The following CLASP2 variants were observed in gnomAD, a reference collection of about 807,000 sequenced individuals.
CLASP2 encodes the protein cytoplasmic linker associated protein 2.
Under a neutral mutation model 194.4 loss-of-function variants are expected in CLASP2, and 47 were observed. The observed-to-expected ratio is 0.24, with a 90% CI of 0.19 to 0.31. CLASP2 has a LOEUF of 0.31. Ranked by LOEUF, CLASP2 falls within the 10% of genes least tolerant of loss-of-function variation. The pLI, the probability that CLASP2 is intolerant of heterozygous loss-of-function variation, is 1.00. For synonymous variants in CLASP2, 619 were observed against 633.5 expected, an observed-to-expected ratio of 0.98 and a Z score of 0.34; for missense variants, 1,445 against 1,823.6, an observed-to-expected ratio of 0.79 and a Z score of 3.78.
chr3:33,510,701 T>C lies in CLASP2; in HGVS notation c.4174A>G (p.Ile1392Val). ...TGAATGATAGGACAAAGCACTTTGA[T>C]GCACTGCTCTGGACTAATTGAAGTG... ...LATSISPEQC[I>V]KVLCPIIQTA... The change falls in exon 37 of 39, where the codon ATC becomes GTC. Residue 1392 changes from isoleucine to valine, a missense_variant. Ile to Val is a conservative substitution (Grantham distance 29, BLOSUM62 3). Around this residue, in one of 4 missense-constraint regions of CLASP2, gnomAD observed 732 missense variants for 987.9 expected, o/e 0.74. Coordinates refer to ENST00000682230, the MANE Select transcript of CLASP2 (RefSeq NM_001365631.1). 1 of 1,613,558 alleles carries C rather than the reference T, an allele frequency of 6.2e-7. No individual in the cohort carries two copies. The highest frequency in any genetic ancestry group is 1.1e-5 in the South Asian group (1 of 91,004).
intron 18 of CLASP2, chr3:33,602,294 G>C: frequency 2.0e-6 from 1 of 491,900 alleles, no homozygotes; most frequent in East Asian, 3.5e-5. Context: ...GTGTCATGTT[G>C]GTGCTCAAAA....
Position 33,539,694 on chromosome 3 carries a change from G to A in CLASP2, c.3405-752C>T, listed in dbSNP as rs548220310. ...ATTTATTTAGGTATTGTCTATGGCT[G>A]TTTTCTATTTCTATTGTTGATGGCT... On this transcript the variant is annotated intron_variant, in intron 32 of 38. Transcript: ENST00000682230. 7.2e-5 allele frequency among the ~76,000 whole-genome samples: 11 copies of A among 152,184 alleles called. No homozygotes were observed. The South Asian group carries it at 1.5e-3, about 20-fold the overall frequency.
chr3:33,652,312 A>G (rs2083354614), intron 7 of CLASP2, among the ~76,000 whole-genome samples: 1 of 152,210 alleles, frequency 6.6e-6, no homozygotes, highest in African/African-American at 2.4e-5. Context: ...CTGCATATCC[A>G]GCAGTGACTA....
intron 26 of CLASP2, among the ~76,000 whole-genome samples, chr3:33,567,318 G>A (rs73053691): frequency 0.071 from 10,766 of 152,272 alleles, 476 homozygotes; most frequent in Middle Eastern, 0.11. Context: ...GCAGGCAGCT[G>A]AGCTGCCTAG....
intron 23 of CLASP2, among the ~76,000 whole-genome samples, chr3:33,577,045 T>C (rs1011057315): frequency 1.1e-5 from 1 of 88,382 alleles, no homozygotes; most frequent in Non-Finnish European, 2.2e-5. Context: ...GGGAAAACGT[T>C]ACTTGGGAGA....
intron 17 of CLASP2, 31 bp from the exon 18 acceptor site, chr3:33,603,156 T>C: frequency 6.7e-7 from 1 of 1,500,184 alleles, no homozygotes; most frequent in South Asian, 1.3e-5. Flanking sequence ...ATAACTTATA[T>C]CATTTAAATC....
At chr3:33,694,406 C>G (rs1328242629) in intron 2 of CLASP2, among the ~76,000 whole-genome samples, 2 of 152,146 alleles carry the variant, frequency 1.3e-5, no homozygotes, top group African/African-American at 4.8e-5. Flanking sequence ...AAGTGAGATA[C>G]ATAATACCTA....
chr3:33,602,986 T>C lies in CLASP2; in HGVS notation c.1890A>G (p.Ala630=). 6.2e-7 allele frequency: 1 copy of C among 1,610,784 alleles called. No individual in the cohort carries two copies. The highest frequency in any genetic ancestry group is 8.5e-7 in the Non-Finnish European group (1 of 1,178,428). Residue 630 remains alanine, a synonymous_variant, in exon 18 of 39, where the codon GCA becomes GCG. Coordinates refer to ENST00000682230, the MANE Select transcript of CLASP2 (RefSeq NM_001365631.1). The part of the protein sequence containing the change: ...GQSVRSGRLG[A]GALNAGSYAS... ...CATAGGAACCTGCATTCAGGGCACC[T>C]GCACCTAAGCGCCCGCTTCGCACAG...
At chr3:33,596,834 T>C (rs960048042) in intron 18 of CLASP2, 100 bp from the exon 19 acceptor site, 5 of 960,122 alleles carry the variant, frequency 5.2e-6, no homozygotes, top group Non-Finnish European at 8.0e-6. Context: ...GAAGACAGAA[T>C]TCATAGTACA....
At chr3:33,654,640 T>C (rs1214971106) in intron 7 of CLASP2, among the ~76,000 whole-genome samples, 1 of 151,852 alleles carries the variant, frequency 6.6e-6, no homozygotes, top group African/African-American at 2.4e-5. Context: ...AAGAATCAAA[T>C]AGTAAAAATT....
At chr3:33,682,742 T>C (rs2090037842) in intron 6 of CLASP2, among the ~76,000 whole-genome samples, 2 of 152,192 alleles carry the variant, frequency 1.3e-5, no homozygotes, top group Admixed American at 6.5e-5. Context: ...TCCTTTTTAG[T>C]TGAACAGGTT....
intron 30 of CLASP2, among the ~76,000 whole-genome samples, chr3:33,550,807 C>G (rs1324713478): frequency 6.6e-6 from 1 of 152,084 alleles, no homozygotes; most frequent in Non-Finnish European, 1.5e-5. Context: ...GTAATTGATT[C>G]ATAAGTAGTT....
chr3:33,602,521 T>C, intron 18 of CLASP2: 1 of 760,628 alleles, frequency 1.3e-6, no homozygotes, highest in Non-Finnish European at 2.4e-6. Context: ...TTTTGGAATA[T>C]ATGTTTAGGG....
Position 33,535,398 on chromosome 3 carries a change from T to C in CLASP2, c.3622A>G (p.Thr1208Ala). ...AGGDATDSSQ[T>A]ALDNKASLLH... ...AATGAAGCTTTATTATCAAGAGCTG[T>C]TTGACTTGAGTCAGTAGCATCACCT... is the stretch of plus-strand genomic sequence containing the variant. Residue 1208 changes from threonine to alanine, a missense_variant, in exon 34 of 39, where the codon ACA becomes GCA. By Grantham distance (58) the Thr-to-Ala change is moderately conservative (BLOSUM62 0). Transcript: ENST00000682230. 1.2e-6 allele frequency: 2 copies of C among 1,614,008 alleles called. No individual in the cohort carries two copies. The highest frequency in any genetic ancestry group is 1.7e-6 in the Non-Finnish European group (2 of 1,179,886).
chr3:33,600,939 G>T, intron 18 of CLASP2, among the ~76,000 whole-genome samples: 1 of 145,432 alleles, frequency 6.9e-6, no homozygotes, highest in Admixed American at 6.9e-5. Flanking sequence ...TCACATCAGT[G>T]TTGCTTGATA....
chr3:33,528,566 A>G (rs946324077), intron 34 of CLASP2, among the ~76,000 whole-genome samples: 2 of 152,206 alleles, frequency 1.3e-5, no homozygotes, highest in Admixed American at 6.5e-5. Flanking sequence ...ATTTGAGACC[A>G]GCCTGGCCAA....
intron 29 of CLASP2, among the ~76,000 whole-genome samples, chr3:33,553,404 A>G (rs971636477): frequency 5.3e-5 from 8 of 152,248 alleles, no homozygotes; most frequent in Non-Finnish European, 8.8e-5. Flanking sequence ...CAACAGAGTG[A>G]AGAGACAACT....
At chr3:33,528,075 A>T (rs1224139894) in intron 34 of CLASP2, among the ~76,000 whole-genome samples, 1 of 152,226 alleles carries the variant, frequency 6.6e-6, no homozygotes, top group Non-Finnish European at 1.5e-5. Flanking sequence ...CCAGCAGGAC[A>T]TCAAAAAGCT....
intron 29 of CLASP2, among the ~76,000 whole-genome samples, chr3:33,555,439 C>G (rs2060755302): frequency 6.6e-6 from 1 of 150,872 alleles, no homozygotes; most frequent in Admixed American, 6.6e-5. Context: ...CATCTCGGCT[C>G]ACTGGTAGCC....
Sources: allele counts gnomAD v4.1 joint callset (sites outside exome capture counted in the v4.1 genomes callset), GRCh38; gene constraint gnomAD v4.1.1; regional missense constraint gnomAD v4.1.1; transcripts MANE v1.5; gene names NCBI Gene and HGNC (gene_info 2026-07-23, HGNC 2026-07-21).